The following KLHL1 variants were observed in gnomAD, a reference collection of about 807,000 sequenced individuals.
KLHL1 encodes the protein kelch like family member 1.
In KLHL1, 47 loss-of-function variants were observed where a neutral mutation model predicts 77.7. The ratio of observed to expected loss-of-function variants is 0.60; its 90% CI spans 0.48 to 0.77. The LOEUF (loss-of-function observed/expected upper bound fraction) is 0.77. Among genes scored for constraint, KLHL1 ranks in the 30% least tolerant of loss-of-function variants. The pLI, the probability that KLHL1 is intolerant of heterozygous loss-of-function variation, is 0.00. For missense variants in KLHL1, 925 were observed against 910.8 expected, an observed-to-expected ratio of 1.02 and a Z score of -0.20; for synonymous variants, 360 against 325.2, an observed-to-expected ratio of 1.11 and a Z score of -1.15.
chr13:69,900,939 C>A (rs1881832880), intron 4 of KLHL1, among the ~76,000 whole-genome samples: 1 of 152,092 alleles, frequency 6.6e-6, no homozygotes, highest in Non-Finnish European at 1.5e-5. Context: ...AATTTGTAGT[C>A]CTGAGACTGC....
chr13:69,944,396 C>T (rs541256278), intron 3 of KLHL1, among the ~76,000 whole-genome samples: 33 of 152,286 alleles, frequency 2.2e-4, no homozygotes, highest in African/African-American at 7.2e-4. Context: ...ATTTGGCCTT[C>T]GCCCCATAGG....
chr13:69,780,705 TATATATATATGTATATATATATATATAC>T lies in KLHL1; in HGVS notation c.1639+16005_1639+16032del, dbSNP rs1566243555. 5.3e-4 allele frequency among the ~76,000 whole-genome samples: 21 copies of T among 39,874 alleles called. 2 individuals are homozygous for T. Among genetic ancestry groups the T allele is most frequent in the Non-Finnish European group, 8.2e-4 (16 of 19,502 alleles). 26.2% of individuals were successfully genotyped at this position (39,874 alleles called of 152,430 possible). On this transcript the variant is annotated intron_variant, in intron 7 of 10. Coordinates refer to ENST00000377844, the MANE Select transcript of KLHL1 (RefSeq NM_020866.3). ...TTCTTCATATATATATATATATGTA[TATATATATATGTATATATATATATATAC>T]ATATATATATACATATATATATATA... is the stretch of plus-strand genomic sequence containing the variant.
In KLHL1 at chr13:69,740,397, C is replaced by G. The variant is rs758702901; in HGVS notation, c.1799G>C (p.Gly600Ala). Residue 600 changes from glycine to alanine, a missense_variant, in exon 8 of 11, where the codon GGC (glycine) becomes GCC (alanine). By Grantham distance (60) the Gly-to-Ala change is moderately conservative. Coordinates refer to ENST00000377844, the MANE Select transcript of KLHL1 (RefSeq NM_020866.3). ...AATAAGAAAAAAATTTACTTACTTG[C>G]CATTCAATGCTGCTACACCAACTGT... ...RSTVGVAALN[G>A]KLYSVGGRDG... 2.5e-5 allele frequency: 38 copies of G among 1,536,524 alleles called. No homozygotes were observed. The highest frequency in any genetic ancestry group is 3.3e-5 in the Non-Finnish European group (37 of 1,134,886).
chr13:69,996,894 TTA>T (rs1002923272), intron 1 of KLHL1, among the ~76,000 whole-genome samples: 1 of 150,234 alleles, frequency 6.7e-6, no homozygotes, highest in African/African-American at 2.5e-5. Context: ...TGAAAAGTTC[TTA>T]TTTTATTCAT....
intron 7 of KLHL1, among the ~76,000 whole-genome samples, chr13:69,786,356 G>A (rs1274881169): frequency 8.6e-5 from 13 of 151,772 alleles, no homozygotes; most frequent in South Asian, 2.1e-4. Flanking sequence ...TTCAATATAC[G>A]TGAATCAATA....
At chr13:69,961,195 G>T in intron 3 of KLHL1, 113 bp downstream of exon 3, 1 of 982,056 alleles carries the variant, frequency 1.0e-6, no homozygotes. Flanking sequence ...GTTTTCAACT[G>T]AAAAGATACA....
intron 4 of KLHL1, chr13:69,894,787 C>A: frequency 4.3e-6 from 1 of 232,208 alleles, no homozygotes; most frequent in Non-Finnish European, 8.5e-6. Flanking sequence ...GAGGAAGCTC[C>A]ACAAATTCCT....
At chr13:70,047,895 G>A (rs368715380) in intron 1 of KLHL1, among the ~76,000 whole-genome samples, 8 of 152,258 alleles carry the variant, frequency 5.3e-5, no homozygotes, top group African/African-American at 2.4e-5. Context: ...GGTGCTTTTA[G>A]GTGCTCAGTT....
chr13:69,934,310 G>A (rs935084443), intron 4 of KLHL1, among the ~76,000 whole-genome samples: 2 of 151,986 alleles, frequency 1.3e-5, no homozygotes, highest in Non-Finnish European at 2.9e-5. Flanking sequence ...CTCAGTCTCC[G>A]AATATGTGGA....
intron 7 of KLHL1, among the ~76,000 whole-genome samples, chr13:69,792,448 G>A (rs907510746): frequency 1.3e-5 from 2 of 152,132 alleles, no homozygotes; most frequent in Non-Finnish European, 2.9e-5. Context: ...ATACGTTGCT[G>A]GTGTGAACAG....
intron 8 of KLHL1, among the ~76,000 whole-genome samples, chr13:69,722,190 C>T (rs1174076668): frequency 6.6e-6 from 1 of 151,990 alleles, no homozygotes; most frequent in Non-Finnish European, 1.5e-5. Context: ...ATGTTTACTT[C>T]AAGCTGCTTT....
intron 4 of KLHL1, among the ~76,000 whole-genome samples, chr13:69,937,952 T>G (rs550365918): frequency 2.6e-5 from 4 of 152,082 alleles, no homozygotes; most frequent in Non-Finnish European, 5.9e-5. Context: ...GACAAATAAT[T>G]ACAGTCAGGA....
At chr13:69,998,846 C>T (rs573967907) in intron 1 of KLHL1, among the ~76,000 whole-genome samples, 1 of 152,028 alleles carries the variant, frequency 6.6e-6, no homozygotes, top group South Asian at 2.1e-4. Context: ...CCAAGCTCAC[C>T]CATTTTGTTG....
At chr13:69,846,514 G>A (rs1879465232) in intron 5 of KLHL1, among the ~76,000 whole-genome samples, 1 of 151,312 alleles carries the variant, frequency 6.6e-6, no homozygotes, top group Non-Finnish European at 1.5e-5. Flanking sequence ...ATTAGAATAA[G>A]TATTTTCCCT....
intron 1 of KLHL1, among the ~76,000 whole-genome samples, chr13:70,033,967 T>C (rs970712427): frequency 7.9e-5 from 12 of 152,032 alleles, no homozygotes; most frequent in Middle Eastern, 3.2e-3. Context: ...ACGGACGAAA[T>C]ATAAAATCAT....
chr13:69,893,679 G>A (rs1379177270), intron 4 of KLHL1, among the ~76,000 whole-genome samples: 2 of 152,114 alleles, frequency 1.3e-5, no homozygotes, highest in Non-Finnish European at 2.9e-5. Context: ...AAACATAAAT[G>A]CGTGGAGCAT....
chr13:69,738,565 A>G (rs920241899), intron 8 of KLHL1, among the ~76,000 whole-genome samples: 3 of 152,112 alleles, frequency 2.0e-5, no homozygotes, highest in Non-Finnish European at 4.4e-5. Flanking sequence ...ATTACCTGAT[A>G]GAGCTGAAAG....
intron 7 of KLHL1, among the ~76,000 whole-genome samples, chr13:69,743,797 C>CA (rs1874085627): frequency 8.9e-6 from 1 of 112,660 alleles, no homozygotes; most frequent in Non-Finnish European, 1.9e-5. Context: ...AAAAAAACAC[C>CA]AAAAAACAAA....
At chr13:69,867,568 T>A (rs1880410919) in intron 5 of KLHL1, among the ~76,000 whole-genome samples, 2 of 152,168 alleles carry the variant, frequency 1.3e-5, no homozygotes, top group South Asian at 4.1e-4. Context: ...TTTTAAATGT[T>A]CTTCAGAAAA....
Sources: allele counts gnomAD v4.1 joint callset (sites outside exome capture counted in the v4.1 genomes callset), GRCh38; gene constraint gnomAD v4.1.1; transcripts MANE v1.5; gene names NCBI Gene and HGNC (gene_info 2026-07-23, HGNC 2026-07-21).